Variants in ASF1A observed in about 807,000 individuals in gnomAD.
ASF1A encodes anti-silencing function 1A histone chaperone, also known as histone chaperone ASF1A.
A neutral mutation model predicts 22.0 loss-of-function variants in ASF1A; 5 were observed. That is an observed-to-expected ratio of 0.23 (90% CI 0.12 to 0.48). The LOEUF (loss-of-function observed/expected upper bound fraction) is 0.48. Ranked by LOEUF, ASF1A falls within the 20% of genes least tolerant of loss-of-function variation. The pLI is 0.99. For missense variants in ASF1A, 137 were observed against 240.6 expected (o/e 0.57, Z 2.85); for synonymous variants, 97 against 86.7 (o/e 1.12, Z -0.66).
At chr6:118,903,589 GAA>G (rs530169753) in intron 2 of ASF1A, among the ~76,000 whole-genome samples, 2 of 152,128 alleles carry the variant, frequency 1.3e-5, no homozygotes, top group Non-Finnish European at 2.9e-5. Context: ...CATAAAAAAG[GAA>G]TCTATTGATT....
chr6:118,905,589 G>C (rs1780127378), intron 2 of ASF1A, 63 bp from the exon 3 acceptor site: 1 of 1,385,810 alleles, frequency 7.2e-7, no homozygotes, highest in Non-Finnish European at 9.8e-7. Flanking sequence ...TGAAACTCCA[G>C]TCTTGCCTGC....
chr6:118,901,276 T>A (rs538591931), intron 2 of ASF1A, among the ~76,000 whole-genome samples: 4 of 152,328 alleles, frequency 2.6e-5, no homozygotes, highest in African/African-American at 9.6e-5. Context: ...GTTAGTAATA[T>A]GCATCTTCAG....
chr6:118,894,850 C>G (rs1370031370), intron 1 of ASF1A, among the ~76,000 whole-genome samples: 1 of 152,148 alleles, frequency 6.6e-6, no homozygotes, highest in Non-Finnish European at 1.5e-5. Context: ...GCCGGGCTGG[C>G]TCCGCGCCGC....
chr6:118,907,374 C>T (rs774508783), intron 3 of ASF1A, 28 bp from the exon 4 acceptor site: 5 of 1,488,392 alleles, frequency 3.4e-6, no homozygotes, highest in Non-Finnish European at 3.7e-6. Flanking sequence ...TTAGTGTTTA[C>T]CATTTGTATG....
intron 2 of ASF1A, among the ~76,000 whole-genome samples, chr6:118,903,406 G>A (rs1779939171): frequency 6.6e-6 from 1 of 152,080 alleles, no homozygotes; most frequent in Admixed American, 6.6e-5. Context: ...ATTTACAAAT[G>A]AATTCCAAAA....
intron 1 of ASF1A, among the ~76,000 whole-genome samples, chr6:118,899,941 C>G (rs772969142): frequency 9.9e-5 from 15 of 152,218 alleles, no homozygotes; most frequent in Non-Finnish European, 2.1e-4. Flanking sequence ...TCTTCCTCAG[C>G]TAAACAGGAG....
intron 1 of ASF1A, among the ~76,000 whole-genome samples, chr6:118,899,499 T>C (rs899150795): frequency 1.3e-5 from 2 of 152,052 alleles, no homozygotes; most frequent in Non-Finnish European, 2.9e-5. Context: ...TTCCTCTCTA[T>C]CTCCATCAAC....
In ASF1A at chr6:118,908,278, CAG is replaced by C. The variant is rs1268725511; in HGVS notation, c.*667_*668del. ...CTGGCTATGGTTTTTGTTCTTATAA[CAG>C]AGTTTAGAATATCAGAGCATTTCTT... On this transcript the variant is annotated 3_prime_UTR_variant, in exon 4 of 4. Transcript: ENST00000229595. 6.6e-6 allele frequency: 1 copy of C among 152,064 alleles called. No homozygotes were observed. The highest frequency in any genetic ancestry group is 1.5e-5 in the Non-Finnish European group (1 of 67,976). The allele number at this position is 152,064 out of a possible 1,614,324, so 9.4% of individuals were successfully genotyped here. A position where few individuals can be genotyped will look rare whatever the true frequency, so the allele number is the denominator to read the frequency against.
At chr6:118,899,772 T>C (rs563829067) in intron 1 of ASF1A, among the ~76,000 whole-genome samples, 38 of 152,312 alleles carry the variant, frequency 2.5e-4, no homozygotes, top group African/African-American at 8.7e-4. Flanking sequence ...TGGCCACACA[T>C]GGTGGCACTA....
At position 118,894,452 on chromosome 6, in the gene ASF1A, T is replaced by C; in HGVS notation, c.39T>C (p.Asp13=). The part of the protein sequence containing the change: ...KVQVNNVVVL[D]NPSPFYNPFQ... ...AGGTGAACAATGTAGTGGTGCTGGA[T>C]AACCCTTCTCCTTTCTACAACCCGT... The change falls in exon 1 of 4, where the codon GAT becomes GAC. Residue 13 remains aspartate, a synonymous_variant. Coordinates refer to ENST00000229595, the MANE Select transcript of ASF1A (RefSeq NM_014034.3). 6.5e-7 allele frequency: 1 copy of C among 1,537,174 alleles called. No individual in the cohort carries two copies. The highest frequency in any genetic ancestry group is 2.4e-5 in the East Asian group (1 of 40,904).
chr6:118,900,896 G>C lies in ASF1A; in HGVS notation c.225+15G>C. The C allele has an allele frequency of 2.0e-6, 3 of 1,521,386 alleles. No homozygotes were observed. Among genetic ancestry groups the C allele is most frequent in the Non-Finnish European group, 2.7e-6 (3 of 1,095,312 alleles). The allele number at this position is 1,521,386 out of a possible 1,614,324, so 94.2% of individuals were successfully genotyped here. ...TTGTATTTCAGGTAAGATTAATCTT[G>C]GTAAATGTGTATGCCAAATATGTTT... On this transcript the variant is annotated intron_variant, in intron 2 of 3. Coordinates refer to ENST00000229595, the MANE Select transcript of ASF1A (RefSeq NM_014034.3).
chr6:118,901,034 TC>T, intron 2 of ASF1A, 153 bp downstream of exon 2: 1 of 590,266 alleles, frequency 1.7e-6, no homozygotes, highest in East Asian at 2.8e-5. Context: ...TTTTAGGCAG[TC>T]TCTGTGTCAC....
At chr6:118,897,960 T>G (rs1779546818) in intron 1 of ASF1A, among the ~76,000 whole-genome samples, 2 of 152,246 alleles carry the variant, frequency 1.3e-5, no homozygotes, top group South Asian at 4.1e-4. Context: ...CAGCCTGTTC[T>G]TGTTAAGGCT....
At chr6:118,897,536 C>T (rs781190065) in intron 1 of ASF1A, among the ~76,000 whole-genome samples, 11 of 152,054 alleles carry the variant, frequency 7.2e-5, no homozygotes, top group African/African-American at 1.2e-4. Context: ...CCAACTTCAG[C>T]TTGTTCTAAT....
Position 118,905,738 on chromosome 6 carries a change from A to G in ASF1A, c.312A>G (p.Gln104=). ...TAATTACTTGTACCTATCGAGGACA[A>G]GAATTTATTAGAGTTGGCTATTATG... ...VVLITCTYRG[Q]EFIRVGYYVN... The change falls in exon 3 of 4, where the codon CAA becomes CAG. Residue 104 remains glutamine (Q), a synonymous_variant. Transcript: ENST00000229595. The G allele has an allele frequency of 6.2e-7, 1 of 1,613,702 alleles. No individual in the cohort carries two copies.
chr6:118,907,817 G>T lies in ASF1A; in HGVS notation c.*203G>T. On this transcript the variant is annotated 3_prime_UTR_variant, in exon 4 of 4. Coordinates refer to ENST00000229595, the MANE Select transcript of ASF1A (RefSeq NM_014034.3). ...TTTAAGTAATTTTTTTCTCTAATGT[G>T]TTATTTTATTTGTTCTGAAACTAAT... 2.0e-6 allele frequency: 1 copy of T among 493,868 alleles called. No homozygotes were observed. Among genetic ancestry groups the T allele is most frequent in the South Asian group, 3.0e-5 (1 of 33,780 alleles). 30.6% of individuals were successfully genotyped at this position (493,868 alleles called of 1,614,324 possible).
At chr6:118,898,273 T>C (rs954797854) in intron 1 of ASF1A, among the ~76,000 whole-genome samples, 3 of 152,214 alleles carry the variant, frequency 2.0e-5, no homozygotes, top group Non-Finnish European at 4.4e-5. Flanking sequence ...GCCCAGTATA[T>C]AGTAGGTATT....
intron 2 of ASF1A, among the ~76,000 whole-genome samples, chr6:118,902,486 T>C (rs1040297504): frequency 2.0e-5 from 3 of 151,720 alleles, no homozygotes; most frequent in Admixed American, 1.3e-4. Flanking sequence ...TGATAATTCA[T>C]GATACAGTAA....
chr6:118,904,432 A>G (rs1780029355), intron 2 of ASF1A, among the ~76,000 whole-genome samples: 1 of 152,202 alleles, frequency 6.6e-6, no homozygotes, highest in African/African-American at 2.4e-5. Context: ...TGCCCTGGCA[A>G]CAGGTAAGCT....
Sources: allele counts gnomAD v4.1 joint callset (sites outside exome capture counted in the v4.1 genomes callset), GRCh38; gene constraint gnomAD v4.1.1; transcripts MANE v1.5; gene names NCBI Gene and HGNC (gene_info 2026-07-23, HGNC 2026-07-21).